Variants in EYA3 observed in about 807,000 individuals in gnomAD.
EYA3 encodes the protein protein phosphatase EYA3.
EYA3 carries 39 observed loss-of-function variants against 80.0 expected under a neutral mutation model. That is an observed-to-expected ratio of 0.49 (90% CI 0.38 to 0.64). EYA3 has a LOEUF of 0.64. Among genes scored for constraint, EYA3 ranks in the 30% least tolerant of loss-of-function variants. The pLI is 0.00. For synonymous variants in EYA3, 206 were observed against 232.8 expected (o/e 0.88, Z 1.05); for missense variants, 523 against 676.1 (o/e 0.77, Z 2.51).
At chr1:27,978,979 A>C (rs1326263286) in intron 16 of EYA3, among the ~76,000 whole-genome samples, 1 of 152,134 alleles carries the variant, frequency 6.6e-6, no homozygotes, top group Non-Finnish European at 1.5e-5. Flanking sequence ...ACAAACAAAC[A>C]ACCCAAAAAC....
At chr1:28,007,660 T>G (rs1208357285) in intron 10 of EYA3, among the ~76,000 whole-genome samples, 1 of 152,062 alleles carries the variant, frequency 6.6e-6, no homozygotes, top group East Asian at 1.9e-4. Flanking sequence ...ATACTTGCAA[T>G]GAATAATTTG....
At chr1:28,035,922 C>T (rs966633460) in intron 5 of EYA3, among the ~76,000 whole-genome samples, 3 of 152,170 alleles carry the variant, frequency 2.0e-5, no homozygotes, top group East Asian at 3.8e-4. Context: ...TCAAGCAATT[C>T]TTCTGCCTCA....
chr1:28,051,104 T>C (rs1263094166), intron 2 of EYA3, among the ~76,000 whole-genome samples: 1 of 152,098 alleles, frequency 6.6e-6, no homozygotes, highest in Non-Finnish European at 1.5e-5. Context: ...ACCAGGACAG[T>C]AGTAGGACAG....
chr1:28,000,185 A>G (rs1365696267), intron 11 of EYA3, 136 bp from the exon 12 acceptor site: 10 of 518,248 alleles, frequency 1.9e-5, no homozygotes, highest in Middle Eastern at 2.8e-4. Flanking sequence ...CATTGATGCA[A>G]TTTCATTCAC....
chr1:28,032,290 T>C (rs1439959343), intron 6 of EYA3: 1 of 152,232 alleles, frequency 6.6e-6, no homozygotes, highest in Non-Finnish European at 1.5e-5. Context: ...ACCCTAAATA[T>C]TTTTTAAGAA....
intron 1 of EYA3, among the ~76,000 whole-genome samples, chr1:28,060,753 T>C (rs2148904389): frequency 6.6e-6 from 1 of 152,282 alleles, no homozygotes; most frequent in Admixed American, 6.5e-5. Context: ...TGGTGGCTCA[T>C]GCCTGTAATC....
intron 1 of EYA3, among the ~76,000 whole-genome samples, chr1:28,068,206 C>T (rs1267294062): frequency 6.6e-6 from 1 of 151,950 alleles, no homozygotes; most frequent in Non-Finnish European, 1.5e-5. Flanking sequence ...GTGGTAGGCA[C>T]CTGTAATCCC....
At chr1:28,007,940 C>A (rs1366344513) in intron 10 of EYA3, among the ~76,000 whole-genome samples, 1 of 152,144 alleles carries the variant, frequency 6.6e-6, no homozygotes, top group Non-Finnish European at 1.5e-5. Context: ...CCAAAACTGT[C>A]TTGAAATAGA....
intron 1 of EYA3, among the ~76,000 whole-genome samples, chr1:28,062,657 G>GGTGTGTGTGTGTGTGTGTGT (rs71027260): frequency 0.015 from 2,089 of 141,546 alleles, 26 homozygotes; most frequent in Non-Finnish European, 0.02. Context: ...AATATATGTA[G>GGTGTGTGTGTGTGTGTGTGT]GTGTGTGTGT....
chr1:28,083,472 A>G (rs1356581810), intron 1 of EYA3, among the ~76,000 whole-genome samples: 2 of 152,060 alleles, frequency 1.3e-5, no homozygotes. Flanking sequence ...GTGACCAGAG[A>G]TTGTGCCACT....
Position 27,990,890 on chromosome 1 carries a change from G to C in EYA3, c.1304-1079C>G, listed in dbSNP as rs192312976. On this transcript the variant is annotated intron_variant, in intron 14 of 17. Transcript: ENST00000373871. ...AATTTCTCTTCTTGGAGAAACCTTA[G>C]AGTAGTGCTACCCAGAATGCCATTT... is the stretch of plus-strand genomic sequence containing the variant. Among the ~76,000 whole-genome samples the C allele has an allele frequency of 2.1e-3, 311 of 151,286 alleles. 1 individual carries two copies. The highest frequency in any genetic ancestry group is 7.3e-3 in the African/African-American group (300 of 41,212).
Position 28,060,039 on chromosome 1 carries a change from C to A in EYA3, c.-68-1945G>T, listed in dbSNP as rs565441194. The stretch of plus-strand genomic sequence containing the variant: ...TTGTTGATTTTTTGTGTGACCAGTT[C>A]TCATCCATAGAAAACTTACAACATT... On this transcript the variant is annotated intron_variant, in intron 1 of 17. Coordinates refer to ENST00000373871, the MANE Select transcript of EYA3 (RefSeq NM_001990.4). 5.3e-4 allele frequency among the ~76,000 whole-genome samples: 81 copies of A among 152,172 alleles called. 1 individual carries two copies. The highest frequency in any genetic ancestry group is 1.9e-3 in the African/African-American group (80 of 41,530).
intron 2 of EYA3, among the ~76,000 whole-genome samples, chr1:28,050,826 T>A (rs1184860634): frequency 2.0e-5 from 3 of 152,208 alleles, no homozygotes; most frequent in Non-Finnish European, 4.4e-5. Context: ...AGACAGATTT[T>A]ACTCAATTAT....
At chr1:28,087,211 G>A (rs1291140976) in intron 1 of EYA3, among the ~76,000 whole-genome samples, 1 of 152,130 alleles carries the variant, frequency 6.6e-6, no homozygotes, top group East Asian at 1.9e-4. Context: ...ATTTGGGAAA[G>A]GGAGCACTAA....
intron 1 of EYA3, among the ~76,000 whole-genome samples, chr1:28,067,632 A>G (rs375748426): frequency 1.6e-4 from 25 of 151,876 alleles, no homozygotes; most frequent in East Asian, 5.8e-4. Context: ...TGACAACAGT[A>G]TAGGCAGAAA....
chr1:28,000,070 AT>A (rs780251827), intron 11 of EYA3, 21 bp from the exon 12 acceptor site: 56 of 1,561,444 alleles, frequency 3.6e-5, no homozygotes, highest in Non-Finnish European at 4.7e-5. Context: ...ATAAGAAAAA[AT>A]CAGCTTGACT....
At chr1:28,008,254 G>A (rs1641440214) in intron 10 of EYA3, among the ~76,000 whole-genome samples, 1 of 151,956 alleles carries the variant, frequency 6.6e-6, no homozygotes, top group Non-Finnish European at 1.5e-5. Flanking sequence ...AAATAATAAA[G>A]TTAGACCATT....
chr1:28,022,998 A>C (rs1642543401), intron 7 of EYA3, among the ~76,000 whole-genome samples: 1 of 151,850 alleles, frequency 6.6e-6, no homozygotes, highest in African/African-American at 2.4e-5. Context: ...CTTAAAAAAA[A>C]TGGTTGATAA....
intron 2 of EYA3, among the ~76,000 whole-genome samples, chr1:28,050,724 C>G (rs1571899098): frequency 1.3e-5 from 2 of 151,948 alleles, no homozygotes; most frequent in East Asian, 3.9e-4. Context: ...CATTGTTTGT[C>G]TTGATTTGAG....
Sources: gnomAD v4.1 joint callset for allele counts (sites outside exome capture counted in the v4.1 genomes callset) on GRCh38, gnomAD v4.1.1 for gene constraint, MANE v1.5 for transcripts, NCBI Gene and HGNC (gene_info 2026-07-23, HGNC 2026-07-21) for gene names.